AAMP: variants seen among roughly 807,000 people sequenced by gnomAD.
AAMP encodes angio-associated migratory cell protein.
AAMP carries 12 observed loss-of-function variants against 51.1 expected under a neutral mutation model. The ratio of observed to expected loss-of-function variants is 0.23; its 90% CI spans 0.15 to 0.38. The LOEUF (loss-of-function observed/expected upper bound fraction) is 0.38. Among genes scored for constraint, AAMP ranks in the 10% least tolerant of loss-of-function variants. AAMP has a pLI of 1.00. For synonymous variants in AAMP, 210 were observed against 218.7 expected, an observed-to-expected ratio of 0.96 and a Z score of 0.35; for missense variants, 418 against 557.2, an observed-to-expected ratio of 0.75 and a Z score of 2.52.
chr2:218,265,814 G>T lies in AAMP; in HGVS notation c.879+17C>A. ...TCGGGAAAGCGGAGGCCCCAGCCGG[G>T]CTCCAGGTCCACTCACCTTGCCGGT... On this transcript the variant is annotated intron_variant, in intron 7 of 10. Coordinates refer to ENST00000248450, the MANE Select transcript of AAMP (RefSeq NM_001087.5). The surrounding 1 kb of genome is among the most constrained non-coding windows in gnomAD (Gnocchi z 6.6). 6.2e-7 allele frequency: 1 copy of T among 1,603,754 alleles called. No individual in the cohort carries two copies. Among genetic ancestry groups the T allele is most frequent in the Non-Finnish European group, 8.5e-7 (1 of 1,172,552 alleles).
In AAMP at chr2:218,266,647, C is replaced by A. The variant is rs1199148410; in HGVS notation, c.535-60G>T. Reference sequence around the variant, plus strand: ...TCACCCCATCCCACCTAGAAGCCTGCCCCATGAGCTCCACCCAAGGTTTCC... The same window carrying A: ...TCACCCCATCCCACCTAGAAGCCTGACCCATGAGCTCCACCCAAGGTTTCC... On this transcript the variant is annotated intron_variant, in intron 4 of 10. Transcript: ENST00000248450. The surrounding 1 kb of genome is among the most constrained non-coding windows in gnomAD (Gnocchi z 4.7). 6 of 1,575,228 alleles carry A rather than the reference C, an allele frequency of 3.8e-6. No homozygotes were observed. The highest frequency in any genetic ancestry group is 5.2e-6 in the Non-Finnish European group (6 of 1,157,318).
At chr2:218,269,680 G>T in intron 1 of AAMP, 146 bp from the exon 2 acceptor site, 1 of 1,383,840 alleles carries the variant, frequency 7.2e-7, no homozygotes, top group Non-Finnish European at 1.0e-6. Context: ...GGGGCGCGCG[G>T]GACACAGGAC....
intron 2 of AAMP, among the ~76,000 whole-genome samples, chr2:218,268,902 T>C (rs189917577): frequency 7.9e-5 from 12 of 152,216 alleles, no homozygotes; most frequent in African/African-American, 2.6e-4. Flanking sequence ...TTTCACCATA[T>C]TGGCCAGGCT....
In AAMP at chr2:218,264,320, G is replaced by A; in HGVS notation, c.*213C>T. 5 of 570,886 alleles carry A rather than the reference G, an allele frequency of 8.8e-6. No individual in the cohort carries two copies. In the East Asian group the frequency reaches 1.4e-4, roughly 16 times the overall value. 35.4% of individuals were successfully genotyped at this position (570,886 alleles called of 1,614,324 possible). ...AAACAGGTCCACCCCTCCCTCTGAA[G>A]GGCCCACCAGGTCTGGACAAGGGTG... is the stretch of plus-strand genomic sequence containing the variant. On this transcript the variant is annotated 3_prime_UTR_variant, in exon 11 of 11. Transcript: ENST00000248450.
rs765944417 is a variant in AAMP at position 218,269,956 on chromosome 2, CA to C, written c.121+9del. 3.1e-6 allele frequency: 5 copies of C among 1,613,968 alleles called. No homozygotes were observed. In the African/African-American group the frequency reaches 6.7e-5, roughly 22 times the overall value. On this transcript the variant is annotated intron_variant, in intron 1 of 10. Transcript: ENST00000248450. ...TCCTGTCCCATGGCCTGAGGAGCGGCAGTTCTCACCTGGGTCCGGCGGACCG... is the reference window on the plus strand; with the variant it reads ...TCCTGTCCCATGGCCTGAGGAGCGGCGTTCTCACCTGGGTCCGGCGGACCG...
In AAMP at chr2:218,266,429, G is replaced by A. The variant is rs535782371; in HGVS notation, c.679+14C>T. ...CTGCACCCAGGAAAGGTCACTCAAG[G>A]GAGGTGCTCTCACCATCAGGGAGGA... On this transcript the variant is annotated intron_variant, in intron 5 of 10. Coordinates refer to ENST00000248450, the MANE Select transcript of AAMP (RefSeq NM_001087.5). This position sits in a 1 kb window ranked among gnomAD's most constrained non-coding sequence, Gnocchi z 4.7. The A allele has an allele frequency of 1.1e-4, 175 of 1,612,518 alleles. 3 individuals are homozygous for A. In the South Asian group the frequency reaches 1.8e-3, roughly 17 times the overall value.
At position 218,265,659 on chromosome 2, in the gene AAMP, C is replaced by A. The variant is rs1396904020; in HGVS notation, c.903G>T (p.Glu301Asp). The A allele has an allele frequency of 6.2e-7, 1 of 1,613,348 alleles. No individual in the cohort carries two copies. Among genetic ancestry groups the A allele is most frequent in the Non-Finnish European group, 8.5e-7 (1 of 1,180,004 alleles). ...CCAGGCTGGGCTGGGAGGCCACAGT[C>A]TCAGGTCTAAAAACACCCACCACCT... ...TGKVVGVFRP[E>D]TVASQPSLGE... Residue 301 changes from glutamate (E) to aspartate (D), a missense_variant, in exon 8 of 11, where the codon GAG becomes GAT. Coordinates refer to ENST00000248450, the MANE Select transcript of AAMP (RefSeq NM_001087.5). The surrounding 1 kb of genome is among the most constrained non-coding windows in gnomAD (Gnocchi z 6.6).
In AAMP at chr2:218,264,142, T is replaced by C. The variant is rs900964672; in HGVS notation, c.*391A>G. On this transcript the variant is annotated 3_prime_UTR_variant, in exon 11 of 11. Transcript: ENST00000248450. ...ACAGACTCTGTCTCTGGGAAGTATATTTTATTTACATTTTTAAAATCTTTA... is the reference window on the plus strand; with the variant it reads ...ACAGACTCTGTCTCTGGGAAGTATACTTTATTTACATTTTTAAAATCTTTA... The C allele has an allele frequency of 9.0e-6, 3 of 333,890 alleles. No individual in the cohort carries two copies. Among genetic ancestry groups the C allele is most frequent in the Non-Finnish European group, 1.1e-5 (2 of 180,216 alleles). The allele number at this position is 333,890 out of a possible 1,614,324, so 20.7% of individuals were successfully genotyped here. A position where few individuals can be genotyped will look rare whatever the true frequency, so the allele number is the denominator to read the frequency against.
At chr2:218,269,816 CTAAG>C in intron 1 of AAMP, 146 bp downstream of exon 1, 1 of 1,301,154 alleles carries the variant, frequency 7.7e-7, no homozygotes, top group South Asian at 1.4e-5. Flanking sequence ...GGCCTGAGAA[CTAAG>C]TGTGAGGGTG....
intron 2 of AAMP, 116 bp downstream of exon 2, chr2:218,269,266 G>C (rs530383246): frequency 7.2e-7 from 1 of 1,384,270 alleles, no homozygotes; most frequent in Admixed American, 1.7e-5. Context: ...CTCCTCCAGC[G>C]CAAGGCCAGC....
rs765066264 is a variant in AAMP, at chr2:218,266,081, G to C, written c.746C>G (p.Pro249Arg). The change falls in exon 6 of 11, where the codon CCT becomes CGT. Residue 249 changes from proline (P) to arginine (R), a missense_variant. Transcript: ENST00000248450. This position sits in a 1 kb window ranked among gnomAD's most constrained non-coding sequence, Gnocchi z 4.7. Reference protein sequence around the residue: ...IRIWDLKQGSPIHVLKGTEGH... With the variant: ...IRIWDLKQGSRIHVLKGTEGH... ...TCTGATACCTTTCAGTACATGGATA[G>C]GGCTTCCCTGCTTCAGGTCCCAAAT... is the stretch of plus-strand genomic sequence containing the variant. 4.2e-5 allele frequency: 68 copies of C among 1,614,050 alleles called. 1 individual carries two copies. The Admixed American group carries it at 5.7e-4, about 13-fold the overall frequency.
chr2:218,265,403 T>G lies in AAMP; in HGVS notation c.1042A>C (p.Thr348Pro). Residue 348 changes from threonine to proline, a missense_variant, in exon 9 of 11, where the codon ACG becomes CCG. Coordinates refer to ENST00000248450, the MANE Select transcript of AAMP (RefSeq NM_001087.5). This position sits in a 1 kb window ranked among gnomAD's most constrained non-coding sequence, Gnocchi z 6.6. ...DGTLAIYDLATQTLRHQCQHQ... is the reference protein window; with the variant it reads ...DGTLAIYDLAPQTLRHQCQHQ... ...TGACACTGATGCCTAAGAGTCTGCG[T>G]AGCCAGGTCATAGATGGCCAAGGTC... 1 of 1,562,678 alleles carries G rather than the reference T, an allele frequency of 6.4e-7. No individual in the cohort carries two copies. Among genetic ancestry groups the G allele is most frequent in the Non-Finnish European group, 8.7e-7 (1 of 1,152,574 alleles).
Position 218,267,537 on chromosome 2 carries a change from G to C in AAMP, c.351C>G (p.Phe117Leu). The stretch of plus-strand genomic sequence containing the variant: ...GCTCCCCATCGCTGAGCCGCCATAC[G>C]AAGGCTTTGTCATCTTCACCCCCGG... ...AVTGGEDDKA[F>L]VWRLSDGELL... The change falls in exon 3 of 11, where the codon TTC becomes TTG. Residue 117 changes from phenylalanine (F) to leucine (L), a missense_variant. Physicochemically the swap from Phe to Leu is conservative, Grantham distance 22 (BLOSUM62 0). Transcript: ENST00000248450. The surrounding 1 kb of genome is among the most constrained non-coding windows in gnomAD (Gnocchi z 4.6). 1.2e-6 allele frequency: 2 copies of C among 1,614,074 alleles called. No homozygotes were observed. Among genetic ancestry groups the C allele is most frequent in the Non-Finnish European group, 1.7e-6 (2 of 1,180,034 alleles).
chr2:218,269,614 T>G, intron 1 of AAMP, 80 bp from the exon 2 acceptor site: 2 of 1,607,960 alleles, frequency 1.2e-6, no homozygotes, highest in Non-Finnish European at 1.7e-6. Flanking sequence ...GGCCTGAGGC[T>G]GGGGCGGGTC....
chr2:218,269,836 G>C (rs755260886), intron 1 of AAMP, 130 bp downstream of exon 1: 15 of 1,404,530 alleles, frequency 1.1e-5, no homozygotes, highest in Non-Finnish European at 1.3e-5. Context: ...GGGTGGGAGT[G>C]GGGGAGGAGG....
In AAMP at chr2:218,267,480, C is replaced by T. The variant is rs767775439; in HGVS notation, c.394+14G>A. The stretch of plus-strand genomic sequence containing the variant: ...AATATGACCTCTCCCAGGCCTCTAC[C>T]CCAGCCCCCTCACCTGCACACTCAA... On this transcript the variant is annotated intron_variant, in intron 3 of 10. Coordinates refer to ENST00000248450, the MANE Select transcript of AAMP (RefSeq NM_001087.5). The surrounding 1 kb of genome is among the most constrained non-coding windows in gnomAD (Gnocchi z 4.6). 2 of 1,613,948 alleles carry T rather than the reference C, an allele frequency of 1.2e-6. No homozygotes were observed. The highest frequency in any genetic ancestry group is 3.3e-5 in the Admixed American group (2 of 60,012).
rs896052250 is a variant in AAMP, at chr2:218,267,074, A to G, written c.395-88T>C. The stretch of plus-strand genomic sequence containing the variant: ...TGATTCTGGTATCTGGCCCACTGAA[A>G]GGACCAGCTAGGAAAAAAAGAGGGG... On this transcript the variant is annotated intron_variant, in intron 3 of 10. Transcript: ENST00000248450. The surrounding 1 kb of genome is among the most constrained non-coding windows in gnomAD (Gnocchi z 4.6). 1.9e-5 allele frequency: 28 copies of G among 1,488,884 alleles called. No individual in the cohort carries two copies. The highest frequency in any genetic ancestry group is 2.4e-5 in the Non-Finnish European group (26 of 1,085,414). The allele number at this position is 1,488,884 out of a possible 1,614,324, so 92.2% of individuals were successfully genotyped here. A position where few individuals can be genotyped will look rare whatever the true frequency, so the allele number is the denominator to read the frequency against.
rs911585048 is a variant in AAMP at position 218,268,505 on chromosome 2, A to AT, written c.274+876dup. On this transcript the variant is annotated intron_variant, in intron 2 of 10. Coordinates refer to ENST00000248450, the MANE Select transcript of AAMP (RefSeq NM_001087.5). ...AGGCACATGCCACCACACCCAGCTA[A>AT]TTTTTTTTTTATTTTTAGTAGAGAT... 5.6e-3 allele frequency among the ~76,000 whole-genome samples: 826 copies of AT among 148,138 alleles called. 9 individuals carry two copies. Among genetic ancestry groups the AT allele is most frequent in the African/African-American group, 0.018 (732 of 40,318 alleles).
At position 218,264,257 on chromosome 2, in the gene AAMP, C is replaced by T. The variant is rs1193879420; in HGVS notation, c.*276G>A. On this transcript the variant is annotated 3_prime_UTR_variant, in exon 11 of 11. Coordinates refer to ENST00000248450, the MANE Select transcript of AAMP (RefSeq NM_001087.5). ...CACCTACTCCCCACATACAAATACA[C>T]ACCCCATGGCTCACACCAGCAAATG... The T allele has an allele frequency of 4.1e-6, 2 of 491,790 alleles. No homozygotes were observed. The highest frequency in any genetic ancestry group is 3.0e-5 in the South Asian group (1 of 33,094). 30.5% of individuals were successfully genotyped at this position (491,790 alleles called of 1,614,324 possible). A position where few individuals can be genotyped will look rare whatever the true frequency, so the allele number is the denominator to read the frequency against.
Sources: gnomAD v4.1 joint callset for allele counts (sites outside exome capture counted in the v4.1 genomes callset) on GRCh38, gnomAD v4.1.1 for gene constraint, Gnocchi (gnomAD v3.1) non-coding constraint, MANE v1.5 for transcripts, NCBI Gene and HGNC (gene_info 2026-07-23, HGNC 2026-07-21) for gene names.